Variants in ZP1 observed in about 807,000 individuals in gnomAD.
ZP1 encodes zona pellucida glycoprotein 1.
ZP1 carries 58 observed loss-of-function variants against 67.4 expected under a neutral mutation model. The ratio of observed to expected loss-of-function variants is 0.86; its 90% CI spans 0.70 to 1.07. The LOEUF is 1.07. Among genes scored for constraint, ZP1 ranks in the 50% least tolerant of loss-of-function variants. The probability of loss-of-function intolerance (pLI) is 0.00; values close to 1 mark genes in which losing one functional copy is unlikely to be tolerated. For missense variants in ZP1, 759 were observed against 807.3 expected, an observed-to-expected ratio of 0.94 and a Z score of 0.72; for synonymous variants, 333 against 332.7, an observed-to-expected ratio of 1.00 and a Z score of -0.01.
rs1855620141 is a variant in ZP1, at chr11:60,873,309, C to T, written c.1240+20C>T. 6 of 1,584,130 alleles carry T rather than the reference C, an allele frequency of 3.8e-6. No individual in the cohort carries two copies. The highest frequency in any genetic ancestry group is 5.2e-6 in the Non-Finnish European group (6 of 1,160,282). On this transcript the variant is annotated intron_variant, in intron 7 of 11. Transcript: ENST00000278853. Reference sequence around the variant, plus strand: ...CCAAAGGTATGCTATGCTATCCCTGCTCTCTTCTGGCCCCCACTTCCCTGA... The same window carrying T: ...CCAAAGGTATGCTATGCTATCCCTGTTCTCTTCTGGCCCCCACTTCCCTGA...
intron 11 of ZP1, 37 bp from the exon 12 acceptor site, chr11:60,875,477 G>T: frequency 6.2e-7 from 1 of 1,610,460 alleles, no homozygotes; most frequent in Non-Finnish European, 8.5e-7. Flanking sequence ...GGTTGGAGGG[G>T]CCTCACCCAG....
intron 1 of ZP1, 128 bp downstream of exon 1, chr11:60,867,885 C>G (rs1485510666): frequency 2.0e-6 from 2 of 1,015,408 alleles, no homozygotes; most frequent in South Asian, 1.6e-5. Context: ...TCCAGCCCCC[C>G]ACCCCCTCAC....
chr11:60,874,956 T>C lies in ZP1; in HGVS notation c.1596T>C (p.Ser532=), dbSNP rs765135544. ...RGLVYLFCST[S]ACHTSGLETC... ...AGGTTTACTTGTTCTGCAGCACCTC[T>C]GCCTGCCACACCTCAGGGCTGGAGA... The change falls in exon 10 of 12, where the codon TCT becomes TCC. Residue 532 remains serine (S), a synonymous_variant. Transcript: ENST00000278853. 14 of 1,614,224 alleles carry C rather than the reference T, an allele frequency of 8.7e-6. No homozygotes were observed. Among genetic ancestry groups the C allele is most frequent in the Middle Eastern group, 1.6e-4 (1 of 6,062 alleles).
At position 60,870,335 on chromosome 11, in the gene ZP1, C is replaced by A. The variant is rs1417387723; in HGVS notation, c.686C>A (p.Thr229Asn). Residue 229 changes from threonine (T) to asparagine (N), a missense_variant, in exon 4 of 12, where the codon ACC (threonine) becomes AAC (asparagine). Physicochemically the swap from Thr to Asn is moderately conservative, Grantham distance 65. Transcript: ENST00000278853. ...CATCACTCTGTCCCAACCCTAGGTA[C>A]CCACCTGAGCCAGGAGCAGTGCCAG... ...WDVNKRDYIG[T>N]HLSQEQCQVA... is the part of the protein sequence containing the mutation. 1.2e-5 allele frequency: 19 copies of A among 1,600,926 alleles called. No individual in the cohort carries two copies. Among genetic ancestry groups the A allele is most frequent in the Non-Finnish European group, 1.5e-5 (18 of 1,173,950 alleles).
rs1489400111 is a variant in ZP1, at chr11:60,870,458, G to C, written c.809G>C (p.Cys270Ser). ...CCYDNTREVP[C>S]YYGNTATVQC... ...TATGACAACACCAGAGAGGTTCCCT[G>C]TTACTATGGCAACACAGGTACAACC... The change falls in exon 4 of 12, where the codon TGT becomes TCT. Residue 270 changes from cysteine to serine, a missense_variant. Physicochemically the swap from Cys to Ser is moderately radical, Grantham distance 112 (BLOSUM62 -1). Transcript: ENST00000278853. 2.5e-6 allele frequency: 4 copies of C among 1,610,506 alleles called. No homozygotes were observed. The highest frequency in any genetic ancestry group is 1.3e-5 in the African/African-American group (1 of 74,758).
intron 4 of ZP1, 78 bp from the exon 5 acceptor site, chr11:60,870,879 C>T (rs533254948): frequency 4.4e-4 from 649 of 1,475,084 alleles, no homozygotes; most frequent in Non-Finnish European, 5.7e-4. Context: ...GCACTTAAAG[C>T]CTGGCTGTCA....
intron 6 of ZP1, among the ~76,000 whole-genome samples, chr11:60,871,822 CAAG>C (rs1855577008): frequency 6.6e-6 from 1 of 152,212 alleles, no homozygotes. Context: ...CCTGCTGACT[CAAG>C]AGGCAAAACC....
intron 9 of ZP1, 117 bp from the exon 10 acceptor site, chr11:60,874,816 T>C: frequency 2.1e-6 from 2 of 932,534 alleles, no homozygotes; most frequent in Non-Finnish European, 3.4e-6. Flanking sequence ...GATTTCTCCC[T>C]GCCTGGCTAG....
chr11:60,869,483 T>G, intron 2 of ZP1, 54 bp from the exon 3 acceptor site: 3 of 1,552,918 alleles, frequency 1.9e-6, no homozygotes, highest in Non-Finnish European at 2.6e-6. Context: ...GTCCCCTGCC[T>G]GGGTATGCTA....
In ZP1 at chr11:60,870,310, C is replaced by T. The variant is rs1855541213; in HGVS notation, c.683-22C>T. ...TTTGCAAACTGTGTGCCTTCAGCCT[C>T]ATCACTCTGTCCCAACCCTAGGTAC... On this transcript the variant is annotated intron_variant, in intron 3 of 11. Transcript: ENST00000278853. The T allele has an allele frequency of 2.6e-6, 4 of 1,545,018 alleles. No individual in the cohort carries two copies. The East Asian group carries it at 9.3e-5, about 36-fold the overall frequency.
chr11:60,874,317 G>C (rs967982968), intron 9 of ZP1, among the ~76,000 whole-genome samples: 1 of 152,186 alleles, frequency 6.6e-6, no homozygotes, highest in Admixed American at 6.5e-5. Flanking sequence ...GTGTGGCTTC[G>C]TTCTCATCTC....
chr11:60,873,019 G>A, intron 6 of ZP1, 143 bp from the exon 7 acceptor site: 1 of 916,504 alleles, frequency 1.1e-6, no homozygotes, highest in African/African-American at 1.6e-5. Flanking sequence ...TGGAAATGCT[G>A]AGTATTGCTT....
intron 1 of ZP1, 135 bp downstream of exon 1, chr11:60,867,892 T>G (rs1855500288): frequency 1.0e-6 from 1 of 995,362 alleles, no homozygotes; most frequent in Non-Finnish European, 1.5e-6. Flanking sequence ...CCCCACCCCC[T>G]CACCACAGAA....
In ZP1 at chr11:60,870,967, G is replaced by T; in HGVS notation, c.837G>T (p.Gln279His). Reference protein sequence around the residue: ...PCYYGNTATVQCFRDGYFVLV... With the variant: ...PCYYGNTATVHCFRDGYFVLV... ...CTGCCTTTGTCCCAGCTACTGTCCAGTGCTTCAGAGATGGCTACTTCGTCC... is the reference window on the plus strand; with the variant it reads ...CTGCCTTTGTCCCAGCTACTGTCCATTGCTTCAGAGATGGCTACTTCGTCC... Residue 279 changes from glutamine to histidine, a missense_variant, in exon 5 of 12, where the codon CAG (glutamine) becomes CAT (histidine). Gln to His is a conservative substitution (Grantham distance 24). Transcript: ENST00000278853. 6.2e-7 allele frequency: 1 copy of T among 1,613,810 alleles called. No homozygotes were observed. Among genetic ancestry groups the T allele is most frequent in the Non-Finnish European group, 8.5e-7 (1 of 1,179,786 alleles).
chr11:60,873,114 G>C, intron 6 of ZP1, 48 bp from the exon 7 acceptor site: 1 of 1,514,532 alleles, frequency 6.6e-7, no homozygotes. Context: ...TAAACAGGAT[G>C]CTCTGATTCT....
intron 6 of ZP1, among the ~76,000 whole-genome samples, chr11:60,872,112 C>T (rs1855583181): frequency 6.6e-6 from 1 of 152,188 alleles, no homozygotes; most frequent in Non-Finnish European, 1.5e-5. Context: ...TAGCTCACGC[C>T]TATGATACCA....
chr11:60,875,046 T>G, intron 10 of ZP1, 32 bp downstream of exon 10: 3 of 1,614,154 alleles, frequency 1.9e-6, no homozygotes, highest in Non-Finnish European at 2.5e-6. Flanking sequence ...TATTTGTTCC[T>G]TTATACATCT....
intron 3 of ZP1, 66 bp downstream of exon 3, chr11:60,869,966 C>G: frequency 1.3e-6 from 2 of 1,486,038 alleles, no homozygotes; most frequent in South Asian, 2.9e-5. Flanking sequence ...GGTGGCCTAA[C>G]AGCCTTTTAC....
rs753148645 is a variant in ZP1 at position 60,873,357 on chromosome 11, G to A, written c.1241-18G>A. The A allele has an allele frequency of 1.9e-6, 3 of 1,595,424 alleles. No individual in the cohort carries two copies. Among genetic ancestry groups the A allele is most frequent in the Middle Eastern group, 1.7e-4 (1 of 6,022 alleles). ...TGATGCACAGCCCGCCCTGGCTCAT[G>A]AGTCACTCTCCCTGCAGACGAGACC... On this transcript the variant is annotated intron_variant, in intron 7 of 11. Coordinates refer to ENST00000278853, the MANE Select transcript of ZP1 (RefSeq NM_207341.4).
Sources: gnomAD v4.1 joint callset for allele counts (sites outside exome capture counted in the v4.1 genomes callset) on GRCh38, gnomAD v4.1.1 for gene constraint, MANE v1.5 for transcripts, NCBI Gene and HGNC (gene_info 2026-07-23, HGNC 2026-07-21) for gene names.